Variants in ANAPC7 observed in about 807,000 individuals in gnomAD.
The protein encoded by ANAPC7 is anaphase-promoting complex subunit 7.
ANAPC7 carries 25 observed loss-of-function variants against 63.3 expected under a neutral mutation model. The ratio of observed to expected loss-of-function variants is 0.39; its 90% CI spans 0.29 to 0.55. ANAPC7 has a LOEUF of 0.55. Ranked by LOEUF, ANAPC7 falls within the 20% of genes least tolerant of loss-of-function variation. The pLI, the probability that ANAPC7 is intolerant of heterozygous loss-of-function variation, is 0.57. For synonymous variants in ANAPC7, 241 were observed against 251.7 expected (o/e 0.96, Z 0.40); for missense variants, 516 against 691.7 (o/e 0.75, Z 2.85).
chr12:110,386,974 A>T (rs1882504322), intron 5 of ANAPC7: 1 of 152,702 alleles, frequency 6.5e-6, no homozygotes, highest in African/African-American at 2.4e-5. Flanking sequence ...TCACGTCTAT[A>T]ATCCCAGCAC....
Position 110,396,367 on chromosome 12 carries a change from C to T in ANAPC7, c.187G>A (p.Val63Met). ...TGTAAAGCCATGGTATACTTACTCA[C>T]AGCATTCCGATATTCCTTATCATGA... is the stretch of plus-strand genomic sequence containing the variant. ...LFHDKEYRNA[V>M]SKYTMALQQK... The change falls in exon 2 of 11, where the codon GTG becomes ATG. Residue 63 changes from valine (V) to methionine (M), a missense_variant. By Grantham distance (21) the Val-to-Met change is conservative. Transcript: ENST00000455511. 1 of 1,613,990 alleles carries T rather than the reference C, an allele frequency of 6.2e-7. No individual in the cohort carries two copies. Among genetic ancestry groups the T allele is most frequent in the Non-Finnish European group, 8.5e-7 (1 of 1,179,956 alleles).
At position 110,374,201 on chromosome 12, in the gene ANAPC7, G is replaced by A; in HGVS notation, c.1641C>T (p.Gly547=). Residue 547 remains glycine (G), a synonymous_variant, in exon 11 of 11, where the codon GGC becomes GGT. Coordinates refer to ENST00000455511, the MANE Select transcript of ANAPC7 (RefSeq NM_016238.3). ...CCCACTGGGCCGCCTCACTGTCGCTGCCCTCCAGGTCCCCTTCTTCCCCAC... is the reference window on the plus strand; with the variant it reads ...CCCACTGGGCCGCCTCACTGTCGCTACCCTCCAGGTCCCCTTCTTCCCCAC... The part of the protein sequence containing the change: ...EGSGEEGDLE[G]SDSEAAQWAD... 6.2e-7 allele frequency: 1 copy of A among 1,613,854 alleles called. No individual in the cohort carries two copies.
chr12:110,375,361 AGTG>A (rs1164073424), intron 10 of ANAPC7: 15 of 918,828 alleles, frequency 1.6e-5, no homozygotes, highest in Non-Finnish European at 1.9e-5. Flanking sequence ...TAGGCACACA[AGTG>A]GTGCTCAACT....
At chr12:110,386,600 TTTAAGC>T (rs1487634569) in intron 5 of ANAPC7, 131 bp from the exon 6 acceptor site, 1 of 906,284 alleles carries the variant, frequency 1.1e-6, no homozygotes, top group African/African-American at 1.7e-5. Context: ...AATAAAAAAC[TTTAAGC>T]TTATGACTTT....
chr12:110,386,424 C>G lies in ANAPC7; in HGVS notation c.720G>C (p.Leu240Phe). ...KSLLRDNVDL[L>F]GSLADLYFRA... ...TGAAGTACAGATCTGCCAAGCTTCC[C>G]AATAGGTCCACGTTATCTCGCAATA... is the stretch of plus-strand genomic sequence containing the variant. The change falls in exon 6 of 11, where the codon TTG becomes TTC. Residue 240 changes from leucine (L) to phenylalanine (F), a missense_variant. Leu to Phe is a conservative substitution (Grantham distance 22, BLOSUM62 0). Transcript: ENST00000455511. 1 of 1,614,062 alleles carries G rather than the reference C, an allele frequency of 6.2e-7. No homozygotes were observed. Among genetic ancestry groups the G allele is most frequent in the Non-Finnish European group, 8.5e-7 (1 of 1,179,974 alleles).
chr12:110,395,119 T>G lies in ANAPC7; in HGVS notation c.390A>C (p.Ser130=), dbSNP rs370167189. 1.3e-4 allele frequency: 211 copies of G among 1,613,756 alleles called. No homozygotes were observed. The highest frequency in any genetic ancestry group is 1.6e-4 in the Non-Finnish European group (193 of 1,179,924). ...DAIAILDGIP[S]RQRTPKINMM... Reference sequence around the variant, plus strand: ...AACTTACTTTGGGAGTTCTTTGTCTTGAAGGGATCCCATCAAGTATAGCAA... The same window carrying G: ...AACTTACTTTGGGAGTTCTTTGTCTGGAAGGGATCCCATCAAGTATAGCAA... Residue 130 remains serine (S), a synonymous_variant, in exon 3 of 11, where the codon TCA becomes TCC. Coordinates refer to ENST00000455511, the MANE Select transcript of ANAPC7 (RefSeq NM_016238.3).
At chr12:110,386,527 C>A in intron 5 of ANAPC7, 58 bp from the exon 6 acceptor site, 2 of 1,433,878 alleles carry the variant, frequency 1.4e-6, no homozygotes, top group Non-Finnish European at 1.9e-6. Context: ...CTCTTAGTTG[C>A]TGAATCTGGA....
In ANAPC7 at chr12:110,376,163, T is replaced by A; in HGVS notation, c.1411A>T (p.Asn471Tyr). Residue 471 changes from asparagine (N) to tyrosine (Y), a missense_variant, in exon 10 of 11, where the codon AAT (asparagine) becomes TAT (tyrosine). Asn to Tyr is a moderately radical substitution (Grantham distance 143). Coordinates refer to ENST00000455511, the MANE Select transcript of ANAPC7 (RefSeq NM_016238.3). ...GIALLRNALA[N>Y]QSDCVLHRIL... is the part of the protein sequence containing the mutation. ...CGATGCAGGACACAGTCACTCTGAT[T>A]AGCCAGTGCGTTCCTCAGCAAAGCA... 1 of 1,614,182 alleles carries A rather than the reference T, an allele frequency of 6.2e-7. No individual in the cohort carries two copies. The highest frequency in any genetic ancestry group is 8.5e-7 in the Non-Finnish European group (1 of 1,180,032).
chr12:110,393,852 A>G (rs1883313908), intron 3 of ANAPC7, among the ~76,000 whole-genome samples: 1 of 102,988 alleles, frequency 9.7e-6, no homozygotes. Flanking sequence ...GGGCACCAAG[A>G]GCGAAACTCC....
Position 110,403,690 on chromosome 12 carries a change from T to C in ANAPC7, c.-63A>G, listed in dbSNP as rs1254573950. ...GACTCGAAAAGCCGGTAGAGGATCC[T>C]TAGGGAAGACTCCAAAATGGCGGCG... On this transcript the variant is annotated 5_prime_UTR_variant, in exon 1 of 11. Transcript: ENST00000455511. 2 of 1,553,122 alleles carry C rather than the reference T, an allele frequency of 1.3e-6. No homozygotes were observed. Among genetic ancestry groups the C allele is most frequent in the Non-Finnish European group, 1.7e-6 (2 of 1,147,874 alleles).
intron 1 of ANAPC7, among the ~76,000 whole-genome samples, chr12:110,399,541 C>T (rs1421402081): frequency 2.6e-5 from 4 of 151,660 alleles, no homozygotes; most frequent in African/African-American, 4.8e-5. Context: ...CTAATAGACA[C>T]GGTTTCTTTT....
chr12:110,393,072 G>A (rs1244976388), intron 3 of ANAPC7, among the ~76,000 whole-genome samples: 1 of 151,978 alleles, frequency 6.6e-6, no homozygotes, highest in African/African-American at 2.4e-5. Context: ...TGGGATTACA[G>A]GCATGAGCCA....
Position 110,403,645 on chromosome 12 carries a change from CG to C in ANAPC7, c.-19del. ...ACATTCATCCTGCTCTGCAAAGCCGCGGGCAGCGGCGGCAGCACTGACTCGA... is the reference window on the plus strand; with the variant it reads ...ACATTCATCCTGCTCTGCAAAGCCGCGGCAGCGGCGGCAGCACTGACTCGA... On this transcript the variant is annotated 5_prime_UTR_variant, in exon 1 of 11. Coordinates refer to ENST00000455511, the MANE Select transcript of ANAPC7 (RefSeq NM_016238.3). The C allele has an allele frequency of 6.3e-7, 1 of 1,579,404 alleles. No homozygotes were observed. Among genetic ancestry groups the C allele is most frequent in the Non-Finnish European group, 8.6e-7 (1 of 1,162,276 alleles).
Position 110,374,124 on chromosome 12 carries a change from G to A in ANAPC7, c.*20C>T. The A allele has an allele frequency of 6.3e-7, 1 of 1,597,112 alleles. No individual in the cohort carries two copies. Among genetic ancestry groups the A allele is most frequent in the Non-Finnish European group, 8.5e-7 (1 of 1,173,814 alleles). On this transcript the variant is annotated 3_prime_UTR_variant, in exon 11 of 11. Coordinates refer to ENST00000455511, the MANE Select transcript of ANAPC7 (RefSeq NM_016238.3). The stretch of plus-strand genomic sequence containing the variant: ...GCTCAGAGCAGGGCAGGCCACTGCG[G>A]CCATGGAGCTGCCGCCCCCTCACTG...
At chr12:110,393,867 CAAAAAAAA>C (rs771757058) in intron 3 of ANAPC7, among the ~76,000 whole-genome samples, 78 of 37,352 alleles carry the variant, frequency 2.1e-3, no homozygotes, top group African/African-American at 7.0e-3. Flanking sequence ...AACTCCCTCT[CAAAAAAAA>C]AAAAAAAAAA....
At chr12:110,391,003 A>T (rs1883040058) in intron 3 of ANAPC7, among the ~76,000 whole-genome samples, 1 of 152,180 alleles carries the variant, frequency 6.6e-6, no homozygotes, top group East Asian at 1.9e-4. Flanking sequence ...CAGCCTGGCC[A>T]ACATGGTGAA....
At chr12:110,403,246 G>A (rs1006384083) in intron 1 of ANAPC7, among the ~76,000 whole-genome samples, 4 of 152,214 alleles carry the variant, frequency 2.6e-5, no homozygotes, top group Non-Finnish European at 5.9e-5. Context: ...CCCCGCGACA[G>A]GTGCCTCAGG....
At chr12:110,389,315 G>T (rs1391878337) in intron 3 of ANAPC7, among the ~76,000 whole-genome samples, 1 of 152,102 alleles carries the variant, frequency 6.6e-6, no homozygotes, top group African/African-American at 2.4e-5. Flanking sequence ...TCTCACATAA[G>T]AAAGTGAGAA....
chr12:110,395,320 T>C, intron 2 of ANAPC7, 100 bp from the exon 3 acceptor site: 4 of 588,550 alleles, frequency 6.8e-6, no homozygotes, highest in Non-Finnish European at 6.7e-6. Flanking sequence ...CAGCAATTCT[T>C]TTTTTTTTTT....
Sources: allele counts gnomAD v4.1 joint callset (sites outside exome capture counted in the v4.1 genomes callset), GRCh38; gene constraint gnomAD v4.1.1; transcripts MANE v1.5; gene names NCBI Gene and HGNC (gene_info 2026-07-23, HGNC 2026-07-21).